OR52N4: variants seen among roughly 807,000 people sequenced by gnomAD.
OR52N4 encodes the protein olfactory receptor family 52 subfamily N member 4, also known as olfactory receptor 52N4.
In OR52N4, 15 loss-of-function variants were observed where a neutral mutation model predicts 15.0. That is an observed-to-expected ratio of 1.00 (90% CI 0.67 to 1.54). The LOEUF is 1.54. Among genes scored for constraint, OR52N4 ranks in the 40% most tolerant of loss-of-function variants. The pLI, the probability that OR52N4 is intolerant of heterozygous loss-of-function variation, is 0.00. For missense variants in OR52N4, 421 were observed against 394.0 expected, an observed-to-expected ratio of 1.07 and a Z score of -0.58; for synonymous variants, 143 against 143.7, an observed-to-expected ratio of 1.00 and a Z score of 0.03.
At chr11:5,743,835 G>A in the OR52N4 span, among the ~76,000 whole-genome samples, 2 of 151,744 alleles carry the variant, frequency 1.3e-5, no homozygotes, top group Non-Finnish European at 2.9e-5. Context: ...AGACAAATAA[G>A]AACAACTAAA....
At chr11:5,737,922 A>G in the OR52N4 span, 1 of 162,850 alleles carries the variant, frequency 6.1e-6, no homozygotes, top group Non-Finnish European at 1.4e-5. Context: ...CAGTCTGCCT[A>G]AACAAGCATT....
the OR52N4 span, among the ~76,000 whole-genome samples, chr11:5,741,545 C>T: frequency 6.6e-6 from 1 of 152,162 alleles, no homozygotes; most frequent in Non-Finnish European, 1.5e-5. Context: ...CCAAAAGAGT[C>T]ACCAGAAAAG....
chr11:5,744,074 T>C, the OR52N4 span, among the ~76,000 whole-genome samples: 1 of 152,040 alleles, frequency 6.6e-6, no homozygotes, highest in Non-Finnish European at 1.5e-5. Flanking sequence ...TAAAAGATTA[T>C]TAGAGACTAT....
At chr11:5,737,814 T>C in the OR52N4 span, 1 of 208,942 alleles carries the variant, frequency 4.8e-6, no homozygotes, top group Non-Finnish European at 9.8e-6. Context: ...CAGACACACA[T>C]ACATTCAATC....
chr11:5,740,960 T>C, the OR52N4 span, among the ~76,000 whole-genome samples: 2 of 127,422 alleles, frequency 1.6e-5, 1 homozygote, highest in East Asian at 5.5e-4. Context: ...CAATGAAACA[T>C]GGGATGTGGA....
At chr11:5,729,114 A>ATTTTTTTTTTTTTTTTTT in the OR52N4 span, among the ~76,000 whole-genome samples, 2 of 82,918 alleles carry the variant, frequency 2.4e-5, 1 homozygote, top group Non-Finnish European at 4.4e-5. Context: ...TTAAATTGAG[A>ATTTTTTTTTTTTTTTTTT]TTTTTTTTTT....
chr11:5,737,369 A>C, the OR52N4 span: 1 of 1,614,126 alleles, frequency 6.2e-7, no homozygotes, highest in Non-Finnish European at 8.5e-7. Context: ...AGTTCTACTT[A>C]ATGTGTTGCA....
At chr11:5,738,686 A>G in the OR52N4 span, among the ~76,000 whole-genome samples, 1 of 152,186 alleles carries the variant, frequency 6.6e-6, no homozygotes, top group Non-Finnish European at 1.5e-5. Context: ...AGATGATCAG[A>G]TATAAAGACA....
In OR52N4 at chr11:5,755,671, T is replaced by G; in HGVS notation, c.931T>G (p.Ser311Ala). Reference protein sequence around the residue: ...QIRDCVIRILSGSKDTKSYSM With the variant: ...QIRDCVIRILAGSKDTKSYSM ...ACGAGACTGTGTCATAAGGATCCTT[T>G]CAGGTTCTAAGGATACCAAATCCTA... The change falls in exon 2 of 2, where the codon TCA becomes GCA. Residue 311 changes from serine (S) to alanine (A), a missense_variant. Physicochemically the swap from Ser to Ala is moderately conservative, Grantham distance 99. Coordinates refer to ENST00000641350, the MANE Select transcript of OR52N4 (RefSeq NM_001005175.5). 5 of 1,613,674 alleles carry G rather than the reference T, an allele frequency of 3.1e-6. No individual in the cohort carries two copies. The highest frequency in any genetic ancestry group is 4.2e-6 in the Non-Finnish European group (5 of 1,179,734).
In OR52N4 at chr11:5,754,769, T is replaced by C. The variant is rs762735356; in HGVS notation, c.29T>C (p.Ile10Thr). Reference sequence around the variant, plus strand: ...CTAACACTGAATAAAACAGACCTAATACCAGCTTCATTTATTCTGAATGGA... The same window carrying C: ...CTAACACTGAATAAAACAGACCTAACACCAGCTTCATTTATTCTGAATGGA... MLTLNKTDL[I>T]PASFILNGVP... The change falls in exon 2 of 2, where the codon ATA becomes ACA. Residue 10 changes from isoleucine (I) to threonine (T), a missense_variant. Coordinates refer to ENST00000641350, the MANE Select transcript of OR52N4 (RefSeq NM_001005175.5). The C allele has an allele frequency of 6.2e-7, 1 of 1,613,292 alleles. No individual in the cohort carries two copies. Among genetic ancestry groups the C allele is most frequent in the South Asian group, 1.1e-5 (1 of 91,042 alleles).
At chr11:5,731,923 G>A in the OR52N4 span, among the ~76,000 whole-genome samples, 1 of 151,888 alleles carries the variant, frequency 6.6e-6, no homozygotes. Flanking sequence ...ATTTTTAATT[G>A]ACTAATATAT....
At chr11:5,737,029 T>C in the OR52N4 span, 1 of 1,614,006 alleles carries the variant, frequency 6.2e-7, no homozygotes, top group South Asian at 1.1e-5. Context: ...TGCCTGTGCT[T>C]GCAGCACAGC....
chr11:5,736,364 AT>A, the OR52N4 span: 1 of 666,038 alleles, frequency 1.5e-6, no homozygotes. Flanking sequence ...ACTGAGATAA[AT>A]ATGAAGAAAA....
At position 5,755,819 on chromosome 11, in the gene OR52N4, T is replaced by A; in HGVS notation, c.*113T>A. ...ACTGTATTGATCACAAAATGGAGTT[T>A]GTTAACTGGTGCATTCTCAATAAGT... On this transcript the variant is annotated 3_prime_UTR_variant, in exon 2 of 2. Transcript: ENST00000641350. 8.0e-7 allele frequency: 1 copy of A among 1,244,900 alleles called. No homozygotes were observed. The highest frequency in any genetic ancestry group is 1.1e-6 in the Non-Finnish European group (1 of 912,350). The allele number at this position is 1,244,900 out of a possible 1,614,324, so 77.1% of individuals were successfully genotyped here.
chr11:5,737,005 A>C, the OR52N4 span: 1 of 1,613,894 alleles, frequency 6.2e-7, no homozygotes, highest in Non-Finnish European at 8.5e-7. Context: ...GAAATGGCTT[A>C]TTTGTCACTC....
At chr11:5,737,658 A>C in the OR52N4 span, 1 of 560,626 alleles carries the variant, frequency 1.8e-6, no homozygotes, top group South Asian at 4.4e-5. Flanking sequence ...AGTAGCCTAA[A>C]ATATTGACAA....
upstream of OR52N4, among the ~76,000 whole-genome samples, chr11:5,750,436 T>C (rs931374781): frequency 3.1e-5 from 4 of 128,788 alleles, no homozygotes; most frequent in Non-Finnish European, 7.3e-5. Flanking sequence ...GAGCTGCTAT[T>C]TACAAAGCAA....
rs752324727 is a variant in OR52N4 at position 5,755,434 on chromosome 11, T to C, written c.694T>C (p.Ser232Pro). 4.3e-6 allele frequency: 7 copies of C among 1,613,996 alleles called. No homozygotes were observed. Among genetic ancestry groups the C allele is most frequent in the African/African-American group, 1.3e-5 (1 of 74,926 alleles). ...TCTCCGGGCAGTGGTCAGCCTCTCC[T>C]CAGCAGATGCTCGGCAGAAGGCCTT... ...MILRAVVSLSSADARQKAFNT... is the reference protein window; with the variant it reads ...MILRAVVSLSPADARQKAFNT... The change falls in exon 2 of 2, where the codon TCA becomes CCA. Residue 232 changes from serine to proline, a missense_variant. Physicochemically the swap from Ser to Pro is moderately conservative, Grantham distance 74. Coordinates refer to ENST00000641350, the MANE Select transcript of OR52N4 (RefSeq NM_001005175.5).
upstream of OR52N4, chr11:5,754,126 T>C (rs1483365129): frequency 6.6e-6 from 1 of 152,012 alleles, no homozygotes; most frequent in Non-Finnish European, 1.5e-5. Flanking sequence ...TAAATTATTA[T>C]TGAGTATAGA....
Sources: allele counts gnomAD v4.1 joint callset (sites outside exome capture counted in the v4.1 genomes callset), GRCh38; gene constraint gnomAD v4.1.1; transcripts MANE v1.5; gene names NCBI Gene and HGNC (gene_info 2026-07-23, HGNC 2026-07-21).